Variants in OSBPL1A observed in about 807,000 individuals in gnomAD.
OSBPL1A encodes oxysterol-binding protein-related protein 1.
In OSBPL1A, 80 loss-of-function variants were observed where a neutral mutation model predicts 137.1. That is an observed-to-expected ratio of 0.58 (90% CI 0.49 to 0.70). The LOEUF (loss-of-function observed/expected upper bound fraction) is 0.70. OSBPL1A is among the 30% of genes least tolerant of loss of function. OSBPL1A has a pLI of 0.00. For missense variants in OSBPL1A, 970 were observed against 1,129.4 expected, an observed-to-expected ratio of 0.86 and a Z score of 2.02; for synonymous variants, 365 against 389.7, an observed-to-expected ratio of 0.94 and a Z score of 0.75.
intron 17 of OSBPL1A, among the ~76,000 whole-genome samples, chr18:24,200,447 A>C (rs2087184922): frequency 6.6e-6 from 1 of 151,754 alleles, no homozygotes; most frequent in Admixed American, 6.6e-5. Context: ...CTGTAATCCC[A>C]ACTACTTGGG....
rs151108192 is a variant in OSBPL1A at position 24,176,813 on chromosome 18, TACCCTTCTGG to T, written c.2093+1190_2093+1199del. Among the ~76,000 whole-genome samples, 196 of 152,308 alleles carry T rather than the reference TACCCTTCTGG, an allele frequency of 1.3e-3. 6 individuals are homozygous for T. The East Asian group carries it at 0.034, about 27-fold the overall frequency. On this transcript the variant is annotated intron_variant, in intron 21 of 27. Coordinates refer to ENST00000319481, the MANE Select transcript of OSBPL1A (RefSeq NM_080597.4). Reference sequence around the variant, plus strand: ...CATTTCAGATCCTGAGGCCCTTGTGTACCCTTCTGGGTCATTTCAATGCATGTGTGTAGGG... The same window carrying T: ...CATTTCAGATCCTGAGGCCCTTGTGTGTCATTTCAATGCATGTGTGTAGGG...
Position 24,334,232 on chromosome 18 carries a change from T to C in OSBPL1A, c.480+13A>G, listed in dbSNP as rs1036730432. The C allele has an allele frequency of 6.3e-7, 1 of 1,591,936 alleles. No homozygotes were observed. The highest frequency in any genetic ancestry group is 8.5e-7 in the Non-Finnish European group (1 of 1,173,946). Reference sequence around the variant, plus strand: ...CTGCTTTTTGTCTTTTGGGGGTTTTTTGTTTGTTTTACCAGAGCTGTGAGT... The same window carrying C: ...CTGCTTTTTGTCTTTTGGGGGTTTTCTGTTTGTTTTACCAGAGCTGTGAGT... On this transcript the variant is annotated intron_variant, in intron 6 of 27. Transcript: ENST00000319481.
chr18:24,354,768 A>G lies in OSBPL1A; in HGVS notation c.282+12124T>C, dbSNP rs915413427. On this transcript the variant is annotated intron_variant, in intron 4 of 27. Transcript: ENST00000319481. ...TATAGCAAAAAAAAAAAAAAAAAAA[A>G]AAAAAGAAAGAAAGAAAAAGATGAT... 1.7e-4 allele frequency among the ~76,000 whole-genome samples: 26 copies of G among 150,464 alleles called. 1 individual carries two copies. Among genetic ancestry groups the G allele is most frequent in the African/African-American group, 6.4e-4 (26 of 40,518 alleles).
At chr18:24,367,228 T>TTATTTATATATATA (rs2091715762) in intron 3 of OSBPL1A, among the ~76,000 whole-genome samples, 7 of 147,094 alleles carry the variant, frequency 4.8e-5, no homozygotes, top group African/African-American at 1.8e-4. Context: ...AGACTCCATC[T>TTATTTATATATATA]TATATATATA....
At chr18:24,313,262 G>A (rs2090659079) in intron 12 of OSBPL1A, among the ~76,000 whole-genome samples, 1 of 151,676 alleles carries the variant, frequency 6.6e-6, no homozygotes. Context: ...CGAACGTGGT[G>A]AAACCCTGTC....
rs866598014 is a variant in OSBPL1A, at chr18:24,272,105, G to C, written c.1281+8737C>G. Reference sequence around the variant, plus strand: ...GGCGCAGGTAGGGACCGCCGGGGAAGCCTGCACGGCCCTCCGAGGAGAGGT... The same window carrying C: ...GGCGCAGGTAGGGACCGCCGGGGAACCCTGCACGGCCCTCCGAGGAGAGGT... On this transcript the variant is annotated intron_variant, in intron 15 of 27. Transcript: ENST00000319481. 14 of 983,360 alleles carry C rather than the reference G, an allele frequency of 1.4e-5. No individual in the cohort carries two copies. In the African/African-American group the frequency reaches 2.3e-4, roughly 16 times the overall value. The allele number at this position is 983,360 out of a possible 1,614,324, so 60.9% of individuals were successfully genotyped here.
At chr18:24,371,816 C>T (rs991587169) in intron 2 of OSBPL1A, among the ~76,000 whole-genome samples, 3 of 152,190 alleles carry the variant, frequency 2.0e-5, no homozygotes, top group Admixed American at 6.5e-5. Context: ...CACTGGGTCC[C>T]AGGGGCAGGT....
intron 1 of OSBPL1A, among the ~76,000 whole-genome samples, chr18:24,380,613 T>A (rs1906507839): frequency 6.6e-6 from 1 of 152,238 alleles, no homozygotes; most frequent in South Asian, 2.1e-4. Context: ...CTAAGGCCTG[T>A]TTCCAGTGCT....
intron 5 of OSBPL1A, among the ~76,000 whole-genome samples, chr18:24,337,681 T>A (rs938403924): frequency 2.6e-5 from 4 of 151,786 alleles, no homozygotes; most frequent in Middle Eastern, 3.5e-3. Flanking sequence ...GATTCTGGAT[T>A]AGATCCTAGA....
intron 16 of OSBPL1A, among the ~76,000 whole-genome samples, chr18:24,238,968 CTAACCTAGCCTAGAATACATCT>C (rs2088591309): frequency 6.6e-6 from 1 of 152,222 alleles, no homozygotes; most frequent in Admixed American, 6.5e-5. Flanking sequence ...TAACAGCACT[CTAACCTAGCCTAGAATACATCT>C]TCAGTATAGG....
At chr18:24,194,018 T>C in intron 18 of OSBPL1A, among the ~76,000 whole-genome samples, 1 of 152,230 alleles carries the variant, frequency 6.6e-6, no homozygotes, top group East Asian at 1.9e-4. Flanking sequence ...AGTCTCGATT[T>C]GGACGTAAAC....
chr18:24,195,911 T>G (rs374855464), intron 18 of OSBPL1A: 4 of 504,230 alleles, frequency 7.9e-6, no homozygotes, highest in Non-Finnish European at 1.4e-5. Flanking sequence ...CTGTTTGTTT[T>G]TTTTTTTACA....
chr18:24,378,373 G>A (rs1187328414), intron 1 of OSBPL1A, among the ~76,000 whole-genome samples: 1 of 152,114 alleles, frequency 6.6e-6, no homozygotes, highest in Non-Finnish European at 1.5e-5. Flanking sequence ...ATACATTACA[G>A]GTGGAGATCA....
chr18:24,350,785 A>T (rs1027340334), intron 4 of OSBPL1A, among the ~76,000 whole-genome samples: 1 of 152,170 alleles, frequency 6.6e-6, no homozygotes, highest in Non-Finnish European at 1.5e-5. Flanking sequence ...CCAAACTATC[A>T]CTCAAATACA....
chr18:24,271,737 C>A lies in OSBPL1A; in HGVS notation c.1281+9105G>T, dbSNP rs1282021746. On this transcript the variant is annotated intron_variant, in intron 15 of 27. Coordinates refer to ENST00000319481, the MANE Select transcript of OSBPL1A (RefSeq NM_080597.4). This position sits in a 1 kb window ranked among gnomAD's most constrained non-coding sequence, Gnocchi z 4.0. ...TCCCCTCCAGTCGAGCCGAGGCGAG[C>A]CGATCCGGGAGGCGCGACCCAGGGC... 1 of 985,504 alleles carries A rather than the reference C, an allele frequency of 1.0e-6. No individual in the cohort carries two copies. Among genetic ancestry groups the A allele is most frequent in the East Asian group, 1.1e-4 (1 of 8,792 alleles). 61.0% of individuals were successfully genotyped at this position (985,504 alleles called of 1,614,324 possible).
At chr18:24,254,462 T>C (rs149173675) in intron 15 of OSBPL1A, among the ~76,000 whole-genome samples, 1 of 152,268 alleles carries the variant, frequency 6.6e-6, no homozygotes, top group East Asian at 1.9e-4. Context: ...AAAACAAGTC[T>C]TAAAGCATAC....
chr18:24,216,820 G>C (rs567671843), intron 17 of OSBPL1A, among the ~76,000 whole-genome samples: 6 of 151,560 alleles, frequency 4.0e-5, no homozygotes, highest in Non-Finnish European at 7.4e-5. Context: ...TACAAACAAC[G>C]GTCAATGCAG....
At chr18:24,196,079 ATTAAACAT>A in intron 18 of OSBPL1A, 38 bp downstream of exon 18, 1 of 1,457,254 alleles carries the variant, frequency 6.9e-7, no homozygotes, top group Non-Finnish European at 9.6e-7. Context: ...AGAATATGCG[ATTAAACAT>A]ATCTGCTTAA....
chr18:24,218,727 T>C (rs1265046026), intron 17 of OSBPL1A, among the ~76,000 whole-genome samples: 2 of 152,114 alleles, frequency 1.3e-5, no homozygotes, highest in Non-Finnish European at 2.9e-5. Flanking sequence ...ATTATAGGCG[T>C]GAGCCACTGC....
Sources: gnomAD v4.1 joint callset for allele counts (sites outside exome capture counted in the v4.1 genomes callset) on GRCh38, gnomAD v4.1.1 for gene constraint, Gnocchi (gnomAD v3.1) non-coding constraint, MANE v1.5 for transcripts, NCBI Gene and HGNC (gene_info 2026-07-23, HGNC 2026-07-21) for gene names.